Variants in HECW1 observed in about 807,000 individuals in gnomAD.
HECW1 encodes E3 ubiquitin-protein ligase HECW1.
Under a neutral mutation model 182.3 loss-of-function variants are expected in HECW1, and 61 were observed. That is an observed-to-expected ratio of 0.33 (90% CI 0.27 to 0.41). HECW1 has a LOEUF of 0.41. HECW1 is among the 10% of genes least tolerant of loss of function. The pLI is 1.00. For missense variants in HECW1, 1,739 were observed against 2,108.9 expected (o/e 0.82, Z 3.44); for synonymous variants, 859 against 832.6 (o/e 1.03, Z -0.55).
chr7:43,334,382 C>T (rs1454115602), intron 5 of HECW1, among the ~76,000 whole-genome samples: 1 of 152,172 alleles, frequency 6.6e-6, no homozygotes, highest in South Asian at 2.1e-4. Flanking sequence ...AAAACCTCTC[C>T]CAAAATGTTG....
intron 2 of HECW1, among the ~76,000 whole-genome samples, chr7:43,146,832 T>C (rs6463166): frequency 0.45 from 68,366 of 152,100 alleles, 15,508 homozygotes; most frequent in African/African-American, 0.46. Flanking sequence ...AGACAGCTCA[T>C]GGCCCATTAG....
chr7:43,228,714 C>T (rs1367090313), intron 2 of HECW1, among the ~76,000 whole-genome samples: 5 of 151,970 alleles, frequency 3.3e-5, no homozygotes, highest in Non-Finnish European at 4.4e-5. Flanking sequence ...TGCTTCTCCA[C>T]GATTATTTAA....
rs916470220 is a variant in HECW1, at chr7:43,556,985, T to C, written c.4709+2195T>C. ...TTCTTGGGGAAGTAGGGACCTCTTCTTGGGACAAGAAGCAAATGCCTCTAA... is the reference window on the plus strand; with the variant it reads ...TTCTTGGGGAAGTAGGGACCTCTTCCTGGGACAAGAAGCAAATGCCTCTAA... On this transcript the variant is annotated intron_variant, in intron 29 of 29. Coordinates refer to ENST00000395891, the MANE Select transcript of HECW1 (RefSeq NM_015052.5). Among the ~76,000 whole-genome samples the C allele has an allele frequency of 2.6e-5, 4 of 151,880 alleles. No homozygotes were observed. The East Asian group carries it at 7.7e-4, about 29-fold the overall frequency.
chr7:43,142,391 T>A (rs1199643193), intron 2 of HECW1, among the ~76,000 whole-genome samples: 1 of 152,204 alleles, frequency 6.6e-6, no homozygotes, highest in East Asian at 1.9e-4. Flanking sequence ...CTTAGAAATG[T>A]ATTCATGCAC....
intron 24 of HECW1, among the ~76,000 whole-genome samples, chr7:43,539,958 A>G (rs2081305636): frequency 6.6e-6 from 1 of 152,166 alleles, no homozygotes; most frequent in South Asian, 2.1e-4. Context: ...CCAAGGACCC[A>G]TTGTCCCAGA....
intron 3 of HECW1, among the ~76,000 whole-genome samples, chr7:43,293,558 G>C (rs1404521074): frequency 6.6e-6 from 1 of 152,218 alleles, no homozygotes; most frequent in Middle Eastern, 3.4e-3. Flanking sequence ...ACAACCTTAG[G>C]TTCCCTGTCT....
Position 43,423,205 on chromosome 7 carries a change from G to A in HECW1, c.802-14798G>A, listed in dbSNP as rs192738872. Reference sequence around the variant, plus strand: ...GGTACTGGTGGTGAGTGTGTGAGCAGCCCTAAAGACGGCATTATTTCCCCA... The same window carrying A: ...GGTACTGGTGGTGAGTGTGTGAGCAACCCTAAAGACGGCATTATTTCCCCA... On this transcript the variant is annotated intron_variant, in intron 8 of 29. Coordinates refer to ENST00000395891, the MANE Select transcript of HECW1 (RefSeq NM_015052.5). Among the ~76,000 whole-genome samples the A allele has an allele frequency of 3.1e-3, 476 of 152,254 alleles. 2 individuals carry two copies. Among genetic ancestry groups the A allele is most frequent in the Admixed American group, 4.6e-3 (71 of 15,296 alleles).
At chr7:43,305,876 TCAGCCTCCCAAGTAGCTGGGATTACAGG>T (rs1807496825) in intron 3 of HECW1, among the ~76,000 whole-genome samples, 1 of 152,144 alleles carries the variant, frequency 6.6e-6, no homozygotes, top group Non-Finnish European at 1.5e-5. Context: ...TTCTCCTGCC[TCAGCCTCCCAAGTAGCTGGGATTACAGG>T]CATGTGCCAC....
At chr7:43,423,489 G>C (rs1427929604) in intron 8 of HECW1, among the ~76,000 whole-genome samples, 1 of 152,190 alleles carries the variant, frequency 6.6e-6, no homozygotes, top group Non-Finnish European at 1.5e-5. Context: ...CACACTGTTT[G>C]ATATTCACTT....
chr7:43,402,409 C>T (rs957791516), intron 7 of HECW1, among the ~76,000 whole-genome samples: 2 of 152,152 alleles, frequency 1.3e-5, no homozygotes, highest in African/African-American at 2.4e-5. Flanking sequence ...ACGAGCCACA[C>T]CCCTGTTGCA....
chr7:43,556,413 G>A (rs1292597836), intron 29 of HECW1, among the ~76,000 whole-genome samples: 2 of 152,224 alleles, frequency 1.3e-5, no homozygotes, highest in African/African-American at 2.4e-5. Context: ...CTGTCTGGGC[G>A]CAGTGGCTCA....
intron 6 of HECW1, among the ~76,000 whole-genome samples, chr7:43,389,519 C>T (rs1316962215): frequency 6.6e-6 from 1 of 152,236 alleles, no homozygotes; most frequent in East Asian, 1.9e-4. Flanking sequence ...AATCACTTTA[C>T]ACCCTAAGAA....
chr7:43,202,654 AG>A (rs1459578405), intron 2 of HECW1, among the ~76,000 whole-genome samples: 1 of 151,970 alleles, frequency 6.6e-6, no homozygotes, highest in Non-Finnish European at 1.5e-5. Flanking sequence ...TTGTGTTTTT[AG>A]TAGAGATGGG....
intron 19 of HECW1, 91 bp from the exon 20 acceptor site, chr7:43,500,608 A>G (rs2079309293): frequency 9.7e-7 from 1 of 1,026,030 alleles, no homozygotes; most frequent in Non-Finnish European, 1.5e-6. Context: ...ATTCAGCAGT[A>G]TTGGAAGAGG....
At chr7:43,235,230 T>A (rs892594120) in intron 2 of HECW1, among the ~76,000 whole-genome samples, 3 of 152,112 alleles carry the variant, frequency 2.0e-5, no homozygotes, top group Non-Finnish European at 4.4e-5. Flanking sequence ...ATCACCTTAC[T>A]TGGGGTGAAA....
At chr7:43,309,607 T>C (rs554904660) in intron 3 of HECW1, among the ~76,000 whole-genome samples, 1 of 152,306 alleles carries the variant, frequency 6.6e-6, no homozygotes, top group South Asian at 2.1e-4. Context: ...CTTAGGCTCT[T>C]CATCATGAAT....
chr7:43,293,752 C>A (rs1175253806), intron 3 of HECW1, among the ~76,000 whole-genome samples: 6 of 152,086 alleles, frequency 3.9e-5, no homozygotes, highest in Admixed American at 3.9e-4. Context: ...ATTATATAAC[C>A]TTTAAACCCT....
At position 43,552,230 on chromosome 7, in the gene HECW1, C is replaced by A; in HGVS notation, c.4404C>A (p.Asp1468Glu). ...CCTAACCTGCATTTCAGGTTGTAGA[C>A]TCGAGGCTGGTGTCCGTGTTTGATG... ...ALVRGFYEVV[D>E]SRLVSVFDAR... is the part of the protein sequence containing the mutation. The change falls in exon 28 of 30, where the codon GAC becomes GAA. Residue 1468 changes from aspartate to glutamate, a missense_variant. Asp to Glu is a conservative substitution (Grantham distance 45). This residue lies in a region of HECW1 where 420 missense variants were observed against 595.7 expected (regional missense o/e 0.71). Coordinates refer to ENST00000395891, the MANE Select transcript of HECW1 (RefSeq NM_015052.5). 6.2e-7 allele frequency: 1 copy of A among 1,611,692 alleles called. No individual in the cohort carries two copies. The highest frequency in any genetic ancestry group is 8.5e-7 in the Non-Finnish European group (1 of 1,177,794).
chr7:43,123,573 G>C (rs766003533), intron 2 of HECW1, among the ~76,000 whole-genome samples: 2 of 152,174 alleles, frequency 1.3e-5, no homozygotes, highest in Non-Finnish European at 2.9e-5. Flanking sequence ...TTGCCCATCT[G>C]CAGTCTTTGC....
Sources: allele counts gnomAD v4.1 joint callset (sites outside exome capture counted in the v4.1 genomes callset), GRCh38; gene constraint gnomAD v4.1.1; regional missense constraint gnomAD v4.1.1; transcripts MANE v1.5; gene names NCBI Gene and HGNC (gene_info 2026-07-23, HGNC 2026-07-21).